ERC1: variants seen among roughly 807,000 people sequenced by gnomAD.
ERC1 encodes the protein ELKS/RAB6-interacting/CAST family member 1.
Under a neutral mutation model 132.0 loss-of-function variants are expected in ERC1, and 56 were observed. The ratio of observed to expected loss-of-function variants is 0.42; its 90% CI spans 0.34 to 0.53. The LOEUF (loss-of-function observed/expected upper bound fraction) is 0.53, where lower values mean the gene tolerates loss of function less well. Ranked by LOEUF, ERC1 falls within the 20% of genes least tolerant of loss-of-function variation. The pLI, the probability that ERC1 is intolerant of heterozygous loss-of-function variation, is 0.03. For missense variants in ERC1, 1,202 were observed against 1,349.9 expected (o/e 0.89, Z 1.72); for synonymous variants, 478 against 476.1 (o/e 1.00, Z -0.05).
intron 16 of ERC1, among the ~76,000 whole-genome samples, chr12:1,405,857 C>T (rs1200348507): frequency 1.3e-5 from 2 of 152,020 alleles, no homozygotes; most frequent in Non-Finnish European, 2.9e-5. Flanking sequence ...TTAAGACCAG[C>T]CTGGGCAACA....
chr12:1,187,189 T>C (rs920933178), intron 11 of ERC1, among the ~76,000 whole-genome samples: 1 of 152,088 alleles, frequency 6.6e-6, no homozygotes, highest in African/African-American at 2.4e-5. Flanking sequence ...ATATGCCTTT[T>C]TTTGAGTTTG....
chr12:1,108,452 G>C (rs1945494043), intron 4 of ERC1, among the ~76,000 whole-genome samples: 1 of 152,106 alleles, frequency 6.6e-6, no homozygotes, highest in South Asian at 2.1e-4. Context: ...TCTTTCAGCT[G>C]GTCCAGTTTC....
At chr12:1,128,865 T>C (rs1255795077) in intron 7 of ERC1, among the ~76,000 whole-genome samples, 1 of 152,192 alleles carries the variant, frequency 6.6e-6, no homozygotes, top group African/African-American at 2.4e-5. Context: ...ATTAGTGTAG[T>C]TGCAGATTAT....
intron 1 of ERC1, among the ~76,000 whole-genome samples, chr12:1,017,643 C>T (rs138800167): frequency 3.6e-4 from 54 of 151,756 alleles, no homozygotes; most frequent in African/African-American, 1.2e-3. Context: ...GGACTAGAGG[C>T]GTGCGCTATC....
At position 1,028,477 on chromosome 12, in the gene ERC1, C is replaced by A. The variant is rs751768265; in HGVS notation, c.574C>A (p.Pro192Thr). 6.2e-7 allele frequency: 1 copy of A among 1,613,986 alleles called. No homozygotes were observed. Among genetic ancestry groups the A allele is most frequent in the South Asian group, 1.1e-5 (1 of 91,070 alleles). Residue 192 changes from proline to threonine, a missense_variant, in exon 2 of 19, where the codon CCA becomes ACA. Pro to Thr is a conservative substitution (Grantham distance 38). Transcript: ENST00000360905. ...SMNSIKTFWS[P>T]ELKKERALRK... ...GAATAGCATCAAGACCTTCTGGAGCCCAGAGCTGAAGAAGGAACGAGCCCT... is the reference window on the plus strand; with the variant it reads ...GAATAGCATCAAGACCTTCTGGAGCACAGAGCTGAAGAAGGAACGAGCCCT...
chr12:1,198,369 A>G (rs1456762054), intron 12 of ERC1, among the ~76,000 whole-genome samples: 8 of 152,292 alleles, frequency 5.3e-5, no homozygotes, highest in Non-Finnish European at 1.5e-5. Flanking sequence ...AGGTCCTCCA[A>G]CTCTAGTAGA....
intron 2 of ERC1, among the ~76,000 whole-genome samples, chr12:1,079,081 AATG>A (rs199599986): frequency 0.021 from 3,187 of 150,556 alleles, 141 homozygotes; most frequent in African/African-American, 0.075. Context: ...TACATATAGA[AATG>A]ATTTGTAATA....
At chr12:1,333,435 C>T (rs35034887) in intron 15 of ERC1, among the ~76,000 whole-genome samples, 31,076 of 149,310 alleles carry the variant, frequency 0.21, 3,763 homozygotes, top group Non-Finnish European at 0.27. Context: ...CAGGTTCAAG[C>T]GATTCTCCTG....
chr12:1,362,805 A>T (rs983112160), intron 15 of ERC1, among the ~76,000 whole-genome samples: 3 of 152,220 alleles, frequency 2.0e-5, no homozygotes, highest in Admixed American at 1.3e-4. Context: ...GTTGCACAGC[A>T]GTATCAGTGT....
At chr12:1,228,349 G>GTTTATTCCTGTGAACCTCTTGATGCTA (rs1200100941) in intron 12 of ERC1, among the ~76,000 whole-genome samples, 1 of 151,122 alleles carries the variant, frequency 6.6e-6, no homozygotes, top group East Asian at 1.9e-4. Flanking sequence ...CTTTCAGCCA[G>GTTTATTCCTGTGAACCTCTTGATGCTA]TTGTATACAA....
At chr12:1,356,145 A>G (rs2085498581) in intron 15 of ERC1, among the ~76,000 whole-genome samples, 1 of 151,364 alleles carries the variant, frequency 6.6e-6, no homozygotes, top group African/African-American at 2.4e-5. Flanking sequence ...TCAAGGCTGC[A>G]GTGAGCTGAG....
At chr12:1,464,442 A>T (rs933443213) in intron 18 of ERC1, among the ~76,000 whole-genome samples, 1 of 151,808 alleles carries the variant, frequency 6.6e-6, no homozygotes, top group African/African-American at 2.4e-5. Context: ...ATAAAACTGA[A>T]CATAAAAACA....
chr12:1,442,018 C>G (rs2093169057), intron 17 of ERC1, among the ~76,000 whole-genome samples: 1 of 152,156 alleles, frequency 6.6e-6, no homozygotes, highest in Non-Finnish European at 1.5e-5. Context: ...GCCTCCGCTT[C>G]CCGGGTTCAA....
intron 16 of ERC1, among the ~76,000 whole-genome samples, chr12:1,407,497 G>A (rs1407857107): frequency 1.3e-5 from 2 of 151,938 alleles, no homozygotes; most frequent in African/African-American, 4.8e-5. Context: ...GACAAGCCTG[G>A]GCAACATAGT....
At chr12:1,312,077 A>C (rs1336554432) in intron 15 of ERC1, among the ~76,000 whole-genome samples, 1 of 152,176 alleles carries the variant, frequency 6.6e-6, no homozygotes, top group Non-Finnish European at 1.5e-5. Context: ...TTCTCCTAGA[A>C]ACACATTTTC....
intron 13 of ERC1, among the ~76,000 whole-genome samples, chr12:1,237,389 G>C (rs2075490926): frequency 6.6e-6 from 1 of 152,028 alleles, no homozygotes; most frequent in South Asian, 2.1e-4. Context: ...CAGTCATACA[G>C]AATGTGACAT....
intron 15 of ERC1, among the ~76,000 whole-genome samples, chr12:1,356,035 G>A (rs1457840926): frequency 6.6e-6 from 1 of 151,894 alleles, no homozygotes; most frequent in African/African-American, 2.4e-5. Context: ...ATGAAACCCT[G>A]TCTCTACACA....
At chr12:1,276,307 G>T (rs2078264077) in intron 14 of ERC1, among the ~76,000 whole-genome samples, 1 of 151,174 alleles carries the variant, frequency 6.6e-6, no homozygotes, top group South Asian at 2.1e-4. Flanking sequence ...CGTGATCTCG[G>T]CTCACTGCAA....
At chr12:1,016,580 G>A (rs1313590203) in intron 1 of ERC1, among the ~76,000 whole-genome samples, 3 of 151,720 alleles carry the variant, frequency 2.0e-5, no homozygotes, top group Non-Finnish European at 2.9e-5. Flanking sequence ...GCGAGACTGG[G>A]GCTGTTTTTC....
Sources: allele counts gnomAD v4.1 joint callset (sites outside exome capture counted in the v4.1 genomes callset), GRCh38; gene constraint gnomAD v4.1.1; transcripts MANE v1.5; gene names NCBI Gene and HGNC (gene_info 2026-07-23, HGNC 2026-07-21).